The following DDX54 variants were observed in gnomAD, a reference collection of about 807,000 sequenced individuals.
DDX54 encodes DEAD-box helicase 54.
A neutral mutation model predicts 105.5 loss-of-function variants in DDX54; 67 were observed. That is an observed-to-expected ratio of 0.64 (90% CI 0.52 to 0.78). The LOEUF (loss-of-function observed/expected upper bound fraction) is 0.78, where lower values mean the gene tolerates loss of function less well. Ranked by LOEUF, DDX54 falls within the 30% of genes least tolerant of loss-of-function variation. The pLI is 0.00. For synonymous variants in DDX54, 514 were observed against 509.9 expected (o/e 1.01, Z -0.11); for missense variants, 1,206 against 1,230.5 (o/e 0.98, Z 0.30).
intron 12 of DDX54, among the ~76,000 whole-genome samples, chr12:113,167,304 G>A (rs1952288598): frequency 6.6e-6 from 1 of 152,170 alleles, no homozygotes; most frequent in Non-Finnish European, 1.5e-5. Context: ...TTGAGCCTAG[G>A]AGGTCAAGGG....
chr12:113,159,010 T>C lies in DDX54; in HGVS notation c.2513A>G (p.Lys838Arg), dbSNP rs756619952. Residue 838 changes from lysine (K) to arginine (R), a missense_variant, in exon 20 of 20, where the codon AAG becomes AGG. This residue lies in a region of DDX54 where 961 missense variants were observed against 1,019.1 expected (regional missense o/e 0.94). Coordinates refer to ENST00000306014, the MANE Select transcript of DDX54 (RefSeq NM_024072.4). ...QILKQRRRAQ[K>R]LHFLQRGGLK... ...GCCACCACGCTGCAGGAAGTGCAGC[T>C]TCTGGGCCCGGCGCCGCTGCTTCAG... 25 of 1,611,862 alleles carry C rather than the reference T, an allele frequency of 1.6e-5. No individual in the cohort carries two copies. Among genetic ancestry groups the C allele is most frequent in the African/African-American group, 2.7e-5 (2 of 74,936 alleles).
intron 7 of DDX54, 55 bp from the exon 8 acceptor site, chr12:113,175,212 C>A: frequency 6.5e-7 from 1 of 1,533,868 alleles, no homozygotes; most frequent in Non-Finnish European, 8.7e-7. Flanking sequence ...CCCTGGAGTT[C>A]CAACCGCAGC....
intron 2 of DDX54, 111 bp downstream of exon 2, chr12:113,180,818 C>T: frequency 6.5e-7 from 1 of 1,548,364 alleles, no homozygotes; most frequent in Non-Finnish European, 8.7e-7. Context: ...CTACCCCGGT[C>T]TACCCAACCA....
intron 11 of DDX54, among the ~76,000 whole-genome samples, 167 bp from the exon 12 acceptor site, chr12:113,170,071 T>C (rs557840548): frequency 6.6e-6 from 1 of 152,318 alleles, no homozygotes; most frequent in African/African-American, 2.4e-5. Context: ...CCTAGGTTGA[T>C]CTGTGAGAGT....
At position 113,174,924 on chromosome 12, in the gene DDX54, G is replaced by A. The variant is rs1310014639; in HGVS notation, c.887C>T (p.Pro296Leu). The A allele has an allele frequency of 2.5e-6, 4 of 1,613,402 alleles. No homozygotes were observed. In the Admixed American group the frequency reaches 6.7e-5, roughly 27 times the overall value. ...VEFARAGLTE[P>L]VLIRLDVDTK... ...ATCCACGTCAAGCCGGATGAGCACG[G>A]GCTCCGTGAGGCCTGCAGGAGACAT... Residue 296 changes from proline to leucine, a missense_variant, in exon 9 of 20, where the codon CCC becomes CTC. Pro to Leu is a moderately conservative substitution (Grantham distance 98). This residue lies in a region of DDX54 where 961 missense variants were observed against 1,019.1 expected (regional missense o/e 0.94). Coordinates refer to ENST00000306014, the MANE Select transcript of DDX54 (RefSeq NM_024072.4).
chr12:113,160,673 AG>A (rs1297327374), intron 19 of DDX54, among the ~76,000 whole-genome samples: 1 of 152,180 alleles, frequency 6.6e-6, no homozygotes, highest in Non-Finnish European at 1.5e-5. Flanking sequence ...CCACATTTCA[AG>A]GAAGTATCTT....
chr12:113,180,986 C>T lies in DDX54; in HGVS notation c.247G>A (p.Glu83Lys), dbSNP rs1203345647. The T allele has an allele frequency of 1.2e-6, 2 of 1,613,684 alleles. No homozygotes were observed. The highest frequency in any genetic ancestry group is 2.2e-5 in the East Asian group (1 of 44,882). Reference protein sequence around the residue: ...CTSDVEPDTREMVRAQNKKKK... With the variant: ...CTSDVEPDTRKMVRAQNKKKK... The stretch of plus-strand genomic sequence containing the variant: ...TTCTTGTTCTGGGCACGCACCATCT[C>T]CCGGGTGTCCGGCTCCACATCCGAG... The change falls in exon 2 of 20, where the codon GAG (glutamate) becomes AAG (lysine). Residue 83 changes from glutamate to lysine, a missense_variant. Glu to Lys is a moderately conservative substitution (Grantham distance 56). Transcript: ENST00000306014.
chr12:113,160,063 T>C (rs889447807), intron 19 of DDX54, among the ~76,000 whole-genome samples: 1 of 152,160 alleles, frequency 6.6e-6, no homozygotes, highest in Non-Finnish European at 1.5e-5. Flanking sequence ...GCACGCCCAC[T>C]GCACGGCAAT....
rs566238613 is a variant in DDX54 at position 113,162,625 on chromosome 12, C to G, written c.2195+307G>C. ...TGGGCCTGGAGGGGTGGCTCACTCG[C>G]TCACTCACCCCAGGGAATGGAGGGG... On this transcript the variant is annotated intron_variant, in intron 17 of 19. Coordinates refer to ENST00000306014, the MANE Select transcript of DDX54 (RefSeq NM_024072.4). 4.4e-4 allele frequency: 161 copies of G among 368,334 alleles called. 1 individual carries two copies. In the East Asian group the frequency reaches 9.9e-3, roughly 23 times the overall value. The allele number at this position is 368,334 out of a possible 1,614,324, so 22.8% of individuals were successfully genotyped here.
intron 7 of DDX54, 154 bp downstream of exon 7, chr12:113,176,686 G>A (rs568348180): frequency 2.7e-5 from 19 of 708,336 alleles, no homozygotes; most frequent in East Asian, 8.0e-5. Context: ...CTCCAGCACC[G>A]CTTATGAGGA....
chr12:113,166,005 C>A lies in DDX54; in HGVS notation c.1442G>T (p.Gly481Val). 6.2e-7 allele frequency: 1 copy of A among 1,609,710 alleles called. No homozygotes were observed. Among genetic ancestry groups the A allele is most frequent in the Non-Finnish European group, 8.5e-7 (1 of 1,179,982 alleles). Residue 481 changes from glycine (G) to valine (V), a missense_variant, in exon 13 of 20, where the codon GGT becomes GTT. Physicochemically the swap from Gly to Val is moderately radical, Grantham distance 109 (BLOSUM62 -3). Coordinates refer to ENST00000306014, the MANE Select transcript of DDX54 (RefSeq NM_024072.4). ...GTCCACCACACTCTGTGGCACCCGACCCAGCATGCCATCCACACCGGCCAC... is the reference window on the plus strand; with the variant it reads ...GTCCACCACACTCTGTGGCACCCGAACCAGCATGCCATCCACACCGGCCAC... ...SGVAGVDGML[G>V]RVPQSVVDEE...
At chr12:113,161,763 GCTGCTTAAGCCGCTCAGCCCCGC>G (rs1952211057) in intron 18 of DDX54, 107 bp downstream of exon 18, 1 of 716,640 alleles carries the variant, frequency 1.4e-6, no homozygotes, top group African/African-American at 1.9e-5. Flanking sequence ...TGGAGATGCG[GCTGCTTAAGCCGCTCAGCCCCGC>G]CCCCTCCTCC....
At position 113,157,918 on chromosome 12, in the gene DDX54, G is replaced by A. The variant is rs1952153424; in HGVS notation, c.*959C>T. 5.3e-6 allele frequency: 3 copies of A among 562,526 alleles called. No homozygotes were observed. The highest frequency in any genetic ancestry group is 9.6e-6 in the Non-Finnish European group (3 of 313,760). The allele number at this position is 562,526 out of a possible 1,614,324, so 34.8% of individuals were successfully genotyped here. ...ATGGGAAGGTCAAGGGGCTATGTGT[G>A]GGGCAACTGCCTCTAAAATGAGATC... is the stretch of plus-strand genomic sequence containing the variant. On this transcript the variant is annotated 3_prime_UTR_variant, in exon 20 of 20. Transcript: ENST00000306014.
intron 5 of DDX54, chr12:113,178,302 C>T (rs1402142487): frequency 6.6e-6 from 1 of 152,180 alleles, no homozygotes; most frequent in African/African-American, 2.4e-5. Flanking sequence ...AATAGATACA[C>T]CTGTCTGTCC....
chr12:113,172,974 G>A (rs542481678), intron 10 of DDX54, among the ~76,000 whole-genome samples: 20 of 152,310 alleles, frequency 1.3e-4, no homozygotes, highest in African/African-American at 4.8e-4. Context: ...AGGATCACAT[G>A]AGTCAGTATA....
rs775351819 is a variant in DDX54 at position 113,158,939 on chromosome 12, G to C, written c.2584C>G (p.Gln862Glu). The C allele has an allele frequency of 5.3e-5, 86 of 1,610,160 alleles. No individual in the cohort carries two copies. The highest frequency in any genetic ancestry group is 6.9e-5 in the Non-Finnish European group (81 of 1,177,550). The change falls in exon 20 of 20, where the codon CAG becomes GAG. Residue 862 changes from glutamine to glutamate, a missense_variant. Gln to Glu is a conservative substitution (Grantham distance 29, BLOSUM62 2). This residue lies in a region of DDX54 where 961 missense variants were observed against 1,019.1 expected (regional missense o/e 0.94). Transcript: ENST00000306014. The surrounding 1 kb of genome is among the most constrained non-coding windows in gnomAD (Gnocchi z 4.9). Reference sequence around the variant, plus strand: ...GCACCCCGGCCGAAGGCGCCCTGCTGCAGCTCCTGGACGCGGCGGCGGTTG... The same window carrying C: ...GCACCCCGGCCGAAGGCGCCCTGCTCCAGCTCCTGGACGCGGCGGCGGTTG... ...ARNRRRVQELQQGAFGRGARS... is the reference protein window; with the variant it reads ...ARNRRRVQELEQGAFGRGARS...
intron 11 of DDX54, among the ~76,000 whole-genome samples, chr12:113,171,342 C>T (rs897485735): frequency 4.6e-5 from 7 of 152,134 alleles, no homozygotes; most frequent in Non-Finnish European, 8.8e-5. Flanking sequence ...TGGCTCACGC[C>T]TGTAATCACA....
Position 113,176,902 on chromosome 12 carries a change from C to T in DDX54, c.690G>A (p.Val230=). Residue 230 remains valine, a synonymous_variant, in exon 7 of 20, where the codon GTG becomes GTA. Coordinates refer to ENST00000306014, the MANE Select transcript of DDX54 (RefSeq NM_024072.4). ...IIATPGRLVH[V]AVEMSLKLQS... The stretch of plus-strand genomic sequence containing the variant: ...GCAGCTTCAGGCTCATTTCCACAGC[C>T]ACATGCACCAACCGTCCGGGCGTGG... 6.2e-7 allele frequency: 1 copy of T among 1,614,210 alleles called. No individual in the cohort carries two copies. Among genetic ancestry groups the T allele is most frequent in the South Asian group, 1.1e-5 (1 of 91,086 alleles).
At chr12:113,159,651 A>T (rs974978087) in intron 19 of DDX54, among the ~76,000 whole-genome samples, 2 of 152,130 alleles carry the variant, frequency 1.3e-5, no homozygotes, top group African/African-American at 4.8e-5. Flanking sequence ...ATGAAAAAAG[A>T]GTGTAGATGA....
Sources: gnomAD v4.1 joint callset for allele counts (sites outside exome capture counted in the v4.1 genomes callset) on GRCh38, gnomAD v4.1.1 for gene constraint, gnomAD v4.1.1 regional missense constraint, Gnocchi (gnomAD v3.1) non-coding constraint, MANE v1.5 for transcripts, NCBI Gene and HGNC (gene_info 2026-07-23, HGNC 2026-07-21) for gene names.